Variants in WDPCP observed in about 807,000 individuals in gnomAD.
The protein encoded by WDPCP is WD repeat-containing and planar cell polarity effector protein fritz homolog.
Under a neutral mutation model 93.1 loss-of-function variants are expected in WDPCP, and 71 were observed. The ratio of observed to expected loss-of-function variants is 0.76; its 90% CI spans 0.63 to 0.93. The LOEUF is 0.93. Ranked by LOEUF, WDPCP falls within the 40% of genes least tolerant of loss-of-function variation. The pLI, the probability that WDPCP is intolerant of heterozygous loss-of-function variation, is 0.00. For synonymous variants in WDPCP, 315 were observed against 315.0 expected, an observed-to-expected ratio of 1.00 and a Z score of 0.00; for missense variants, 844 against 887.4, an observed-to-expected ratio of 0.95 and a Z score of 0.62.
Position 63,202,944 on chromosome 2 carries a change from A to G in WDPCP, c.1916-28112T>C, listed in dbSNP as rs190873626. 5.4e-4 allele frequency among the ~76,000 whole-genome samples: 82 copies of G among 152,244 alleles called. 1 individual carries two copies. The highest frequency in any genetic ancestry group is 2.7e-3 in the Admixed American group (41 of 15,290). On this transcript the variant is annotated intron_variant, in intron 14 of 17. Coordinates refer to ENST00000272321, the MANE Select transcript of WDPCP (RefSeq NM_015910.7). Reference sequence around the variant, plus strand: ...ATCTGAACTTTTTATAAGTGAGTTCAGCCCATTTACATTCATTGATAAGAT... The same window carrying G: ...ATCTGAACTTTTTATAAGTGAGTTCGGCCCATTTACATTCATTGATAAGAT...
At chr2:63,185,975 C>T (rs1026439221) in intron 14 of WDPCP, among the ~76,000 whole-genome samples, 1 of 152,128 alleles carries the variant, frequency 6.6e-6, no homozygotes, top group African/African-American at 2.4e-5. Flanking sequence ...GTTTAGGGAG[C>T]AGTCACCAAA....
At chr2:63,615,068 C>T (rs1709657697) in intron 3 of WDPCP, among the ~76,000 whole-genome samples, 1 of 152,182 alleles carries the variant, frequency 6.6e-6, no homozygotes, top group Admixed American at 6.5e-5. Flanking sequence ...GCTAGGCAGA[C>T]AGGGCAAAGA....
chr2:63,291,468 G>T (rs964269565), intron 13 of WDPCP, among the ~76,000 whole-genome samples: 2 of 152,166 alleles, frequency 1.3e-5, no homozygotes, highest in African/African-American at 4.8e-5. Flanking sequence ...CATAGTGATG[G>T]TGTTTTTGTG....
intron 6 of WDPCP, among the ~76,000 whole-genome samples, chr2:63,471,114 ATCTTT>A (rs1699665295): frequency 1.3e-5 from 2 of 152,052 alleles, no homozygotes. Context: ...TTCCTTATTC[ATCTTT>A]TCTTGACTCT....
At chr2:63,496,971 G>A (rs753058070) in intron 1 of WDPCP, among the ~76,000 whole-genome samples, 1 of 151,974 alleles carries the variant, frequency 6.6e-6, no homozygotes. Flanking sequence ...AATTAGCTGG[G>A]CATGGTGGAA....
intron 2 of WDPCP, among the ~76,000 whole-genome samples, chr2:63,682,094 A>G (rs943470197): frequency 6.6e-6 from 1 of 152,266 alleles, no homozygotes. Context: ...GACTGCGAAG[A>G]CAAAACAAAT....
chr2:63,801,374 G>T (rs559335430), intron 2 of WDPCP, among the ~76,000 whole-genome samples: 4 of 152,148 alleles, frequency 2.6e-5, no homozygotes, highest in African/African-American at 9.7e-5. Context: ...GAATGAAACC[G>T]TGGACCTTCA....
rs568291954 is a variant in WDPCP at position 63,467,098 on chromosome 2, A to G, written c.384+17506T>C. Reference sequence around the variant, plus strand: ...TACTGTATTCTTAAGCATAAATAATATATCAGTCAATTATCATAGGTCATT... The same window carrying G: ...TACTGTATTCTTAAGCATAAATAATGTATCAGTCAATTATCATAGGTCATT... On this transcript the variant is annotated intron_variant, in intron 6 of 17. Coordinates refer to ENST00000272321, the MANE Select transcript of WDPCP (RefSeq NM_015910.7). 5.4e-4 allele frequency among the ~76,000 whole-genome samples: 83 copies of G among 152,330 alleles called. 1 individual carries two copies. In the South Asian group the frequency reaches 0.016, roughly 29 times the overall value.
intron 3 of WDPCP, chr2:63,604,737 T>C: frequency 6.2e-7 from 1 of 1,614,120 alleles, no homozygotes; most frequent in Non-Finnish European, 8.5e-7. Context: ...ATGTAAAGAA[T>C]GTCATTATCT....
At chr2:63,485,806 G>GTGTTATA (rs1700541309) in intron 4 of WDPCP, among the ~76,000 whole-genome samples, 1 of 151,646 alleles carries the variant, frequency 6.6e-6, no homozygotes, top group African/African-American at 2.4e-5. Context: ...GCTTACATGT[G>GTGTTATA]TGTTATATGT....
intron 12 of WDPCP, among the ~76,000 whole-genome samples, chr2:63,345,740 TAG>T (rs1323166392): frequency 6.6e-6 from 1 of 152,172 alleles, no homozygotes; most frequent in African/African-American, 2.4e-5. Flanking sequence ...TACCTCTGAA[TAG>T]ATGCCCTTGA....
At chr2:63,383,969 A>G (rs1692527250) in intron 10 of WDPCP, among the ~76,000 whole-genome samples, 1 of 152,156 alleles carries the variant, frequency 6.6e-6, no homozygotes, top group African/African-American at 2.4e-5. Flanking sequence ...AAAAGTTTTA[A>G]AATCGTAAGA....
chr2:63,545,085 T>C (rs937874722), intron 1 of WDPCP, among the ~76,000 whole-genome samples: 1 of 152,022 alleles, frequency 6.6e-6, no homozygotes, highest in African/African-American at 2.4e-5. Context: ...TTCCAAAGAC[T>C]TTATGATCCA....
intron 14 of WDPCP, among the ~76,000 whole-genome samples, chr2:63,213,022 T>C (rs991700585): frequency 2.6e-5 from 4 of 152,088 alleles, no homozygotes; most frequent in African/African-American, 7.2e-5. Flanking sequence ...ACAATAATAA[T>C]GGGAGACTCA....
At chr2:63,560,178 G>A (rs1464938494) in intron 1 of WDPCP, among the ~76,000 whole-genome samples, 5 of 151,996 alleles carry the variant, frequency 3.3e-5, no homozygotes, top group Non-Finnish European at 7.4e-5. Context: ...AGCCAAGATC[G>A]CACCATTTCA....
At chr2:63,546,305 C>A (rs561731742) in intron 1 of WDPCP, among the ~76,000 whole-genome samples, 29 of 152,218 alleles carry the variant, frequency 1.9e-4, no homozygotes, top group African/African-American at 7.0e-4. Context: ...GAACTCAGAG[C>A]AAAACAGTAA....
intron 2 of WDPCP, among the ~76,000 whole-genome samples, chr2:63,805,158 G>T (rs550407035): frequency 6.6e-6 from 1 of 152,162 alleles, no homozygotes; most frequent in Non-Finnish European, 1.5e-5. Flanking sequence ...AAAGAAAAGC[G>T]TCAGGGACAA....
At chr2:63,303,137 C>T (rs1251264042) in intron 13 of WDPCP, among the ~76,000 whole-genome samples, 1 of 152,164 alleles carries the variant, frequency 6.6e-6, no homozygotes, top group Non-Finnish European at 1.5e-5. Context: ...AACTGGCTAC[C>T]TCCAATTTAC....
intron 6 of WDPCP, among the ~76,000 whole-genome samples, chr2:63,473,779 C>T (rs1699818876): frequency 6.6e-6 from 1 of 152,048 alleles, no homozygotes; most frequent in Non-Finnish European, 1.5e-5. Context: ...AATAATATAG[C>T]TTTAATTACC....
Sources: allele counts gnomAD v4.1 joint callset (sites outside exome capture counted in the v4.1 genomes callset), GRCh38; gene constraint gnomAD v4.1.1; transcripts MANE v1.5; gene names NCBI Gene and HGNC (gene_info 2026-07-23, HGNC 2026-07-21).